The following OCA2 variants were observed in gnomAD, a reference collection of about 807,000 sequenced individuals.
OCA2 encodes P protein.
OCA2 carries 77 observed loss-of-function variants against 100.2 expected under a neutral mutation model. The observed-to-expected ratio is 0.77, with a 90% CI of 0.64 to 0.93. The LOEUF (loss-of-function observed/expected upper bound fraction) is 0.93, where lower values mean the gene tolerates loss of function less well. Ranked by LOEUF, OCA2 falls within the 40% of genes least tolerant of loss-of-function variation. OCA2 has a pLI of 0.00. For missense variants in OCA2, 1,062 were observed against 1,089.1 expected, an observed-to-expected ratio of 0.98 and a Z score of 0.35; for synonymous variants, 432 against 439.2, an observed-to-expected ratio of 0.98 and a Z score of 0.21.
chr15:27,802,938 C>T (rs1382951393), intron 23 of OCA2, among the ~76,000 whole-genome samples: 2 of 152,242 alleles, frequency 1.3e-5, no homozygotes, highest in African/African-American at 2.4e-5. Flanking sequence ...AATACCTCTC[C>T]TCCTCAAAAG....
rs2037664965 is a variant in OCA2 at position 27,895,843 on chromosome 15, C to A, written c.2080-23921G>T. ...AGGACAAAAATAAATACAACACACCCAAATACAGGATGATAGTTTGTGTAA... is the reference window on the plus strand; with the variant it reads ...AGGACAAAAATAAATACAACACACCAAAATACAGGATGATAGTTTGTGTAA... On this transcript the variant is annotated intron_variant, in intron 19 of 23. Coordinates refer to ENST00000354638, the MANE Select transcript of OCA2 (RefSeq NM_000275.3). 7.7e-6 allele frequency: 4 copies of A among 519,254 alleles called. No individual in the cohort carries two copies. In the South Asian group the frequency reaches 8.2e-5, roughly 11 times the overall value. The allele number at this position is 519,254 out of a possible 1,614,324, so 32.2% of individuals were successfully genotyped here. A position where few individuals can be genotyped will look rare whatever the true frequency, so the allele number is the denominator to read the frequency against.
chr15:28,001,919 C>T (rs1294534107), intron 9 of OCA2, among the ~76,000 whole-genome samples: 2 of 152,200 alleles, frequency 1.3e-5, no homozygotes, highest in Non-Finnish European at 2.9e-5. Context: ...TCCAGCTAGG[C>T]GACCTGGAGC....
chr15:27,804,924 C>G (rs2033765206), intron 23 of OCA2, among the ~76,000 whole-genome samples: 1 of 152,254 alleles, frequency 6.6e-6, no homozygotes, highest in African/African-American at 2.4e-5. Flanking sequence ...GACACAAGCT[C>G]TGGGCTCCGT....
At chr15:27,963,083 A>T (rs2040458429) in intron 15 of OCA2, among the ~76,000 whole-genome samples, 1 of 152,226 alleles carries the variant, frequency 6.6e-6, no homozygotes, top group Non-Finnish European at 1.5e-5. Context: ...AAGATGAAAG[A>T]ACAATCCTAA....
Position 27,871,908 on chromosome 15 carries a change from G to A in OCA2, c.2094C>T (p.Leu698=), listed in dbSNP as rs1018482796. The change falls in exon 20 of 24, where the codon CTC becomes CTT. Residue 698 remains leucine (L), a synonymous_variant. Coordinates refer to ENST00000354638, the MANE Select transcript of OCA2 (RefSeq NM_000275.3). ...GTTCTCCAACATATTCTATTAAGTG[G>A]AGATGTGCCAATGCCTAGAAGAAAG... The part of the protein sequence containing the change: ...LFVLMEALAH[L]HLIEYVGEQT... 1.2e-6 allele frequency: 2 copies of A among 1,610,642 alleles called. No individual in the cohort carries two copies. Among genetic ancestry groups the A allele is most frequent in the Admixed American group, 3.3e-5 (2 of 60,008 alleles).
At chr15:27,844,904 G>C in intron 23 of OCA2, 55 bp downstream of exon 23, 2 of 1,252,320 alleles carry the variant, frequency 1.6e-6, no homozygotes, top group Non-Finnish European at 2.3e-6. Context: ...TTTTAATTAA[G>C]TAAGCTTAGG....
chr15:27,935,576 C>T (rs2140451605), intron 18 of OCA2, among the ~76,000 whole-genome samples: 1 of 152,344 alleles, frequency 6.6e-6, no homozygotes, highest in South Asian at 2.1e-4. Context: ...CGAAGATGGA[C>T]TGGTTTTCTC....
chr15:28,056,861 G>A (rs149093477), intron 2 of OCA2, among the ~76,000 whole-genome samples: 6 of 152,302 alleles, frequency 3.9e-5, no homozygotes, highest in African/African-American at 9.6e-5. Flanking sequence ...TGTCTCTCTC[G>A]GAGCCAGGCA....
At chr15:27,912,416 A>G (rs1056904962) in intron 19 of OCA2, among the ~76,000 whole-genome samples, 4 of 152,006 alleles carry the variant, frequency 2.6e-5, no homozygotes, top group Admixed American at 6.6e-5. Context: ...GAAAATGAAA[A>G]ACTGATTGAA....
intron 19 of OCA2, among the ~76,000 whole-genome samples, chr15:27,879,016 C>T (rs1186498228): frequency 6.6e-6 from 1 of 152,080 alleles, no homozygotes; most frequent in Non-Finnish European, 1.5e-5. Flanking sequence ...CCCCCTTTTC[C>T]CCCTTGACAG....
intron 4 of OCA2, among the ~76,000 whole-genome samples, chr15:28,025,460 G>T (rs1043984044): frequency 6.6e-6 from 1 of 152,080 alleles, no homozygotes; most frequent in Admixed American, 6.5e-5. Flanking sequence ...AAGCCATCCC[G>T]GCCCCCTTAC....
chr15:27,831,026 G>A (rs993785390), intron 23 of OCA2, among the ~76,000 whole-genome samples: 1 of 152,124 alleles, frequency 6.6e-6, no homozygotes, highest in Admixed American at 6.5e-5. Flanking sequence ...CTGAGCTCAC[G>A]CCTGTAATTT....
downstream of OCA2, among the ~76,000 whole-genome samples, chr15:27,752,709 G>C (rs1360908667): frequency 7.1e-6 from 1 of 141,576 alleles, no homozygotes; most frequent in Non-Finnish European, 1.5e-5. Flanking sequence ...GCTACCAAGT[G>C]TCTCATGCTG....
At chr15:27,840,163 A>G (rs1281016286) in intron 23 of OCA2, among the ~76,000 whole-genome samples, 2 of 152,174 alleles carry the variant, frequency 1.3e-5, no homozygotes, top group African/African-American at 4.8e-5. Context: ...TGAAATTTGA[A>G]AAAACTAAAG....
intron 2 of OCA2, among the ~76,000 whole-genome samples, chr15:28,056,068 C>T (rs1043063948): frequency 3.9e-5 from 6 of 151,998 alleles, no homozygotes; most frequent in Admixed American, 1.3e-4. Context: ...ACTCCAGGGG[C>T]CCCTGGAGCC....
intron 19 of OCA2, among the ~76,000 whole-genome samples, chr15:27,898,491 T>G (rs996395827): frequency 2.0e-5 from 3 of 152,220 alleles, no homozygotes; most frequent in Non-Finnish European, 2.9e-5. Context: ...AAAATGTGAC[T>G]TGCTTCTCCT....
intron 2 of OCA2, among the ~76,000 whole-genome samples, chr15:28,073,729 A>G (rs757014025): frequency 2.0e-5 from 3 of 152,246 alleles, no homozygotes; most frequent in Non-Finnish European, 4.4e-5. Context: ...AAATCTGCAC[A>G]TGGGTACCCC....
chr15:27,935,346 A>G (rs2039414866), intron 18 of OCA2, among the ~76,000 whole-genome samples: 1 of 152,180 alleles, frequency 6.6e-6, no homozygotes, highest in Non-Finnish European at 1.5e-5. Context: ...AAAATCTGAG[A>G]TAAGTGGCTC....
At chr15:27,723,805 A>G in the OCA2 span, among the ~76,000 whole-genome samples, 2 of 152,174 alleles carry the variant, frequency 1.3e-5, no homozygotes, top group Non-Finnish European at 2.9e-5. Context: ...TTCACAGTAA[A>G]TTCTGAAAGC....
Sources: gnomAD v4.1 joint callset for allele counts (sites outside exome capture counted in the v4.1 genomes callset) on GRCh38, gnomAD v4.1.1 for gene constraint, MANE v1.5 for transcripts, NCBI Gene and HGNC (gene_info 2026-07-23, HGNC 2026-07-21) for gene names.